Variants in SLC44A5 observed in about 807,000 individuals in gnomAD.
The protein encoded by SLC44A5 is choline transporter-like protein 5.
A neutral mutation model predicts 101.8 loss-of-function variants in SLC44A5; 57 were observed. That is an observed-to-expected ratio of 0.56 (90% CI 0.45 to 0.70). SLC44A5 has a LOEUF of 0.70. Among genes scored for constraint, SLC44A5 ranks in the 30% least tolerant of loss-of-function variants. SLC44A5 has a pLI of 0.00. For missense variants in SLC44A5, 737 were observed against 853.1 expected (o/e 0.86, Z 1.70); for synonymous variants, 281 against 290.9 (o/e 0.97, Z 0.35).
chr1:75,697,442 C>T, the SLC44A5 span, among the ~76,000 whole-genome samples: 1 of 152,104 alleles, frequency 6.6e-6, no homozygotes, highest in African/African-American at 2.4e-5. Flanking sequence ...ATCAAGATAT[C>T]AATCCAAGTA....
chr1:75,421,320 C>T (rs943849934), intron 2 of SLC44A5, among the ~76,000 whole-genome samples: 3 of 152,034 alleles, frequency 2.0e-5, no homozygotes, highest in African/African-American at 7.2e-5. Flanking sequence ...TAAAGACACC[C>T]TATTTCGCCT....
intron 2 of SLC44A5, among the ~76,000 whole-genome samples, chr1:75,478,950 T>G (rs1440540077): frequency 5.3e-5 from 8 of 152,310 alleles, no homozygotes; most frequent in African/African-American, 1.9e-4. Context: ...GAATATACAT[T>G]TGTTTCAGCA....
rs149994698 is a variant in SLC44A5 at position 75,208,775 on chromosome 1, C to T, written c.2047+2693G>A. ...TTAAGGTACTGGTAAGAAGTCTGGCCTGGATCACATTAATAAGCATCTACA... is the reference window on the plus strand; with the variant it reads ...TTAAGGTACTGGTAAGAAGTCTGGCTTGGATCACATTAATAAGCATCTACA... On this transcript the variant is annotated intron_variant, in intron 23 of 23. Coordinates refer to ENST00000370859, the MANE Select transcript of SLC44A5 (RefSeq NM_001130058.2). Among the ~76,000 whole-genome samples, 290 of 152,210 alleles carry T rather than the reference C, an allele frequency of 1.9e-3. 1 individual carries two copies. Among genetic ancestry groups the T allele is most frequent in the African/African-American group, 6.7e-3 (277 of 41,536 alleles).
intron 4 of SLC44A5, among the ~76,000 whole-genome samples, chr1:75,330,723 C>T (rs1463046381): frequency 6.6e-6 from 1 of 152,096 alleles, no homozygotes; most frequent in African/African-American, 2.4e-5. Flanking sequence ...GTCTTTATTG[C>T]CTCTGGTAGC....
chr1:75,282,920 C>T (rs1222678790), intron 5 of SLC44A5, among the ~76,000 whole-genome samples: 1 of 152,084 alleles, frequency 6.6e-6, no homozygotes, highest in Non-Finnish European at 1.5e-5. Flanking sequence ...TGAGAATGGG[C>T]TAATACACCA....
the SLC44A5 span, among the ~76,000 whole-genome samples, chr1:75,630,477 G>T: frequency 6.6e-6 from 1 of 152,132 alleles, no homozygotes; most frequent in Non-Finnish European, 1.5e-5. Flanking sequence ...AATATTCACT[G>T]GTAAGATGCT....
At chr1:75,520,154 T>G (rs1165206476) in intron 2 of SLC44A5, among the ~76,000 whole-genome samples, 1 of 152,232 alleles carries the variant, frequency 6.6e-6, no homozygotes, top group Non-Finnish European at 1.5e-5. Context: ...CTAGGTTAAA[T>G]GATTATATTT....
chr1:75,490,315 T>C (rs1246808696), intron 2 of SLC44A5, among the ~76,000 whole-genome samples: 1 of 152,116 alleles, frequency 6.6e-6, no homozygotes, highest in African/African-American at 2.4e-5. Flanking sequence ...TATTAATGGA[T>C]TCGTTCATTT....
chr1:75,719,631 G>A, the SLC44A5 span, among the ~76,000 whole-genome samples: 14 of 152,230 alleles, frequency 9.2e-5, no homozygotes, highest in Non-Finnish European at 2.9e-5. Flanking sequence ...CTGCTTACTC[G>A]AATAGGCTCC....
Position 75,225,151 on chromosome 1 carries a change from T to A in SLC44A5, c.985+2575A>T, listed in dbSNP as rs144253051. 9.2e-5 allele frequency among the ~76,000 whole-genome samples: 14 copies of A among 152,320 alleles called. No homozygotes were observed. In the East Asian group the frequency reaches 2.5e-3, roughly 27 times the overall value. On this transcript the variant is annotated intron_variant, in intron 13 of 23. Coordinates refer to ENST00000370859, the MANE Select transcript of SLC44A5 (RefSeq NM_001130058.2). The stretch of plus-strand genomic sequence containing the variant: ...TCCACACGGGTACCATTTTAAAAAA[T>A]CTTTTATGCCATATCTTTACTGTAT...
intron 4 of SLC44A5, among the ~76,000 whole-genome samples, chr1:75,305,783 C>T (rs746635928): frequency 5.3e-5 from 8 of 152,186 alleles, no homozygotes; most frequent in Admixed American, 6.5e-5. Flanking sequence ...CAGTGTGGAT[C>T]GCCACATTCT....
chr1:75,421,457 G>C (rs1306930091), intron 2 of SLC44A5, among the ~76,000 whole-genome samples: 1 of 152,108 alleles, frequency 6.6e-6, no homozygotes, highest in Non-Finnish European at 1.5e-5. Context: ...ATAAATGGCA[G>C]CCCAGTTAAT....
intron 5 of SLC44A5, among the ~76,000 whole-genome samples, chr1:75,290,695 T>A (rs1271876550): frequency 2.0e-5 from 3 of 152,108 alleles, no homozygotes; most frequent in African/African-American, 4.8e-5. Context: ...AACCCATAAA[T>A]GCCAGATTCC....
At chr1:75,707,040 T>G in the SLC44A5 span, among the ~76,000 whole-genome samples, 2 of 152,190 alleles carry the variant, frequency 1.3e-5, no homozygotes, top group African/African-American at 4.8e-5. Context: ...ACTTACAAAT[T>G]TTGGTGAGAA....
intron 2 of SLC44A5, among the ~76,000 whole-genome samples, chr1:75,397,956 T>C (rs1478623885): frequency 1.3e-5 from 2 of 152,166 alleles, no homozygotes; most frequent in African/African-American, 4.8e-5. Context: ...ATTAGGGACA[T>C]ACAGGTTTCA....
At chr1:75,578,820 A>G (rs1245310829) in intron 1 of SLC44A5, among the ~76,000 whole-genome samples, 1 of 152,202 alleles carries the variant, frequency 6.6e-6, no homozygotes, top group African/African-American at 2.4e-5. Flanking sequence ...GAGGTGACAG[A>G]TATGTTATCA....
intron 3 of SLC44A5, among the ~76,000 whole-genome samples, chr1:75,388,769 A>G (rs1218524815): frequency 6.6e-6 from 1 of 150,654 alleles, no homozygotes; most frequent in African/African-American, 2.5e-5. Context: ...ACAGAGCGAG[A>G]CTCCGTCTAA....
At chr1:75,395,804 T>C (rs1263462241) in intron 3 of SLC44A5, among the ~76,000 whole-genome samples, 1 of 152,176 alleles carries the variant, frequency 6.6e-6, no homozygotes, top group Non-Finnish European at 1.5e-5. Context: ...AATAATGTAT[T>C]GCATATTTTA....
the SLC44A5 span, among the ~76,000 whole-genome samples, chr1:75,712,824 T>C: frequency 1.3e-5 from 2 of 151,552 alleles, no homozygotes; most frequent in South Asian, 4.2e-4. Context: ...GGGAAAAAAA[T>C]ATGAATGCTA....
Sources: allele counts gnomAD v4.1 joint callset (sites outside exome capture counted in the v4.1 genomes callset), GRCh38; gene constraint gnomAD v4.1.1; transcripts MANE v1.5; gene names NCBI Gene and HGNC (gene_info 2026-07-23, HGNC 2026-07-21).